CEP126: variants seen among roughly 807,000 people sequenced by gnomAD.
CEP126 encodes the protein centrosomal protein of 126 kDa.
Under a neutral mutation model 107.8 loss-of-function variants are expected in CEP126, and 74 were observed. The ratio of observed to expected loss-of-function variants is 0.69; its 90% CI spans 0.57 to 0.83. The LOEUF (loss-of-function observed/expected upper bound fraction) is 0.83, where lower values mean the gene tolerates loss of function less well. Ranked by LOEUF, CEP126 falls within the 40% of genes least tolerant of loss-of-function variation. The pLI, the probability that CEP126 is intolerant of heterozygous loss-of-function variation, is 0.00. For synonymous variants in CEP126, 449 were observed against 446.0 expected (o/e 1.01, Z -0.08); for missense variants, 1,237 against 1,281.9 (o/e 0.96, Z 0.53).
intron 9 of CEP126, among the ~76,000 whole-genome samples, chr11:101,989,844 C>T (rs995782957): frequency 6.6e-5 from 10 of 152,056 alleles, no homozygotes; most frequent in Non-Finnish European, 1.3e-4. Flanking sequence ...CCTGTAGCCC[C>T]AGCTACTAGG....
rs369477983 is a variant in CEP126 at position 101,963,857 on chromosome 11, T to G, written c.2822T>G (p.Leu941Arg). 4.4e-6 allele frequency: 7 copies of G among 1,606,216 alleles called. No individual in the cohort carries two copies. Among genetic ancestry groups the G allele is most frequent in the Non-Finnish European group, 5.9e-6 (7 of 1,176,928 alleles). The change falls in exon 6 of 11, where the codon CTG (leucine) becomes CGG (arginine). Residue 941 changes from leucine to arginine, a missense_variant. Coordinates refer to ENST00000263468, the MANE Select transcript of CEP126 (RefSeq NM_020802.4). ...TTATGGAAAAGAGGTCCTAATGTCC[T>G]GCATCAAAATAAGAGGGCTACAGGT... ...VPLWKRGPNV[L>R]HQNKRATGST...
Position 101,958,274 on chromosome 11 carries a change from A to C in CEP126, c.613A>C (p.Arg205=), listed in dbSNP as rs1565359749. 6.2e-7 allele frequency: 1 copy of C among 1,614,062 alleles called. No individual in the cohort carries two copies. The highest frequency in any genetic ancestry group is 8.5e-7 in the Non-Finnish European group (1 of 1,179,942). ...NCEKEMNENM[R]ATLATSKNVF... ...TGAGAAAGAAATGAATGAAAACATGAGGGCAACCTTGGCTACTAGCAAAAA... is the reference window on the plus strand; with the variant it reads ...TGAGAAAGAAATGAATGAAAACATGCGGGCAACCTTGGCTACTAGCAAAAA... The change falls in exon 5 of 11, where the codon AGG becomes CGG. Residue 205 remains arginine (R), a synonymous_variant. Coordinates refer to ENST00000263468, the MANE Select transcript of CEP126 (RefSeq NM_020802.4).
At chr11:101,966,333 C>T (rs756958044) in intron 6 of CEP126, among the ~76,000 whole-genome samples, 23 of 152,238 alleles carry the variant, frequency 1.5e-4, no homozygotes, top group Non-Finnish European at 2.8e-4. Flanking sequence ...TACTGGATTA[C>T]AGTTCAGTGA....
rs1046389270 is a variant in CEP126, at chr11:101,963,450, A to G, written c.2415A>G (p.Gln805=). The G allele has an allele frequency of 7.4e-6, 12 of 1,614,014 alleles. No homozygotes were observed. The highest frequency in any genetic ancestry group is 8.5e-7 in the Non-Finnish European group (1 of 1,180,016). Residue 805 remains glutamine (Q), a synonymous_variant, in exon 6 of 11, where the codon CAA becomes CAG. Coordinates refer to ENST00000263468, the MANE Select transcript of CEP126 (RefSeq NM_020802.4). ...GKLIIPCPPP[Q]STSNIRSGKN... The stretch of plus-strand genomic sequence containing the variant: ...TAATTATACCTTGTCCTCCTCCTCA[A>G]TCTACATCAAATATTAGAAGTGGTA...
At position 101,922,702 on chromosome 11, in the gene CEP126, C is replaced by T. The variant is rs756200112; in HGVS notation, c.190C>T (p.Gln64Ter). The T allele has an allele frequency of 6.2e-7, 1 of 1,612,356 alleles. No individual in the cohort carries two copies. Among genetic ancestry groups the T allele is most frequent in the African/African-American group, 1.3e-5 (1 of 74,964 alleles). The change falls in exon 2 of 11, where the codon CAA (glutamine) becomes TAA (stop). Residue 64 changes from glutamine (Q) to a stop codon, truncating the protein, a stop_gained. Coordinates refer to ENST00000263468, the MANE Select transcript of CEP126 (RefSeq NM_020802.4). LOFTEE classifies it high-confidence loss of function. ...EEERQILLQQ[Q>*]KICRNRARKY... ...AGAGCGCCAGATATTACTGCAGCAACAAAAAATATGTCGAAATCGAGCACG... is the reference window on the plus strand; with the variant it reads ...AGAGCGCCAGATATTACTGCAGCAATAAAAAATATGTCGAAATCGAGCACG...
At chr11:101,928,770 C>T (rs1940448815) in intron 2 of CEP126, among the ~76,000 whole-genome samples, 2 of 152,180 alleles carry the variant, frequency 1.3e-5, no homozygotes, top group South Asian at 4.1e-4. Flanking sequence ...CAATACCCCA[C>T]AATTTTGATT....
At chr11:101,983,527 A>G (rs760597896) in intron 8 of CEP126, among the ~76,000 whole-genome samples, 1 of 152,228 alleles carries the variant, frequency 6.6e-6, no homozygotes, top group Non-Finnish European at 1.5e-5. Flanking sequence ...GAAGAGAACC[A>G]TGAATATTCA....
chr11:101,938,693 T>A lies in CEP126; in HGVS notation c.249-5572T>A, dbSNP rs528313318. Among the ~76,000 whole-genome samples the A allele has an allele frequency of 9.2e-4, 140 of 152,192 alleles. No individual in the cohort carries two copies. The East Asian group carries it at 0.016, about 18-fold the overall frequency. Reference sequence around the variant, plus strand: ...AAGACACCCCCTTCTCTACAAAAAATTTTAAAATAAAATTATAAATTTTCT... The same window carrying A: ...AAGACACCCCCTTCTCTACAAAAAAATTTAAAATAAAATTATAAATTTTCT... On this transcript the variant is annotated intron_variant, in intron 2 of 10. Coordinates refer to ENST00000263468, the MANE Select transcript of CEP126 (RefSeq NM_020802.4).
chr11:101,977,422 A>G (rs1941203412), intron 6 of CEP126, among the ~76,000 whole-genome samples: 1 of 151,902 alleles, frequency 6.6e-6, no homozygotes, highest in South Asian at 2.1e-4. Context: ...CACAAGGTCA[A>G]GAGATCGAAA....
chr11:101,938,138 C>T (rs1434775396), intron 2 of CEP126, among the ~76,000 whole-genome samples: 3 of 77,302 alleles, frequency 3.9e-5, no homozygotes, highest in African/African-American at 8.3e-5. Context: ...CCGGCCTGGG[C>T]GACAGAGCGA....
intron 6 of CEP126, among the ~76,000 whole-genome samples, chr11:101,970,982 A>AT (rs1351058479): frequency 2.0e-5 from 3 of 151,784 alleles, no homozygotes; most frequent in Non-Finnish European, 2.9e-5. Flanking sequence ...TCTTCATTTT[A>AT]TTTTTTTTCT....
chr11:101,990,684 A>G (rs999300632), intron 9 of CEP126, among the ~76,000 whole-genome samples: 4 of 152,120 alleles, frequency 2.6e-5, no homozygotes, highest in African/African-American at 9.7e-5. Flanking sequence ...CAGATCAGCA[A>G]GTACCAAGTA....
intron 4 of CEP126, chr11:101,956,860 G>T: frequency 2.6e-6 from 1 of 379,800 alleles, no homozygotes; most frequent in Non-Finnish European, 5.1e-6. Context: ...CTCATTGGGG[G>T]AAGAAAGTAG....
At chr11:101,923,652 A>G (rs562164092) in intron 2 of CEP126, among the ~76,000 whole-genome samples, 10 of 152,164 alleles carry the variant, frequency 6.6e-5, no homozygotes, top group Non-Finnish European at 1.5e-4. Flanking sequence ...GAAATTTAGA[A>G]TTTTATTTTG....
intron 4 of CEP126, among the ~76,000 whole-genome samples, chr11:101,948,834 T>C (rs781116329): frequency 6.6e-6 from 1 of 152,114 alleles, no homozygotes; most frequent in Non-Finnish European, 1.5e-5. Flanking sequence ...TAGTGCCAAA[T>C]GAGTAATTGC....
chr11:101,963,858 G>T lies in CEP126; in HGVS notation c.2823G>T (p.Leu941=). The T allele has an allele frequency of 1.2e-6, 2 of 1,605,740 alleles. No homozygotes were observed. The highest frequency in any genetic ancestry group is 1.7e-6 in the Non-Finnish European group (2 of 1,176,638). ...TATGGAAAAGAGGTCCTAATGTCCT[G>T]CATCAAAATAAGAGGGCTACAGGTA... ...VPLWKRGPNV[L]HQNKRATGST... Residue 941 remains leucine (L), a synonymous_variant, in exon 6 of 11, where the codon CTG becomes CTT. Coordinates refer to ENST00000263468, the MANE Select transcript of CEP126 (RefSeq NM_020802.4).
At chr11:101,915,455 A>G in intron 1 of CEP126, 43 bp downstream of exon 1, 1 of 1,576,356 alleles carries the variant, frequency 6.3e-7, no homozygotes, top group Non-Finnish European at 8.6e-7. Context: ...CGATGTTGAA[A>G]ACGGGGCCCA....
At chr11:101,934,705 A>G (rs964387814) in intron 2 of CEP126, among the ~76,000 whole-genome samples, 2 of 152,222 alleles carry the variant, frequency 1.3e-5, no homozygotes, top group Non-Finnish European at 2.9e-5. Flanking sequence ...GTATTAGTTC[A>G]TTCTTATTGC....
intron 4 of CEP126, chr11:101,956,103 G>A (rs1032116789): frequency 5.0e-5 from 23 of 456,456 alleles, no homozygotes; most frequent in Middle Eastern, 3.2e-4. Flanking sequence ...TGCCCACCTG[G>A]CCATCCACCC....
Sources: gnomAD v4.1 joint callset for allele counts (sites outside exome capture counted in the v4.1 genomes callset) on GRCh38, gnomAD v4.1.1 for gene constraint, MANE v1.5 for transcripts, NCBI Gene and HGNC (gene_info 2026-07-23, HGNC 2026-07-21) for gene names.